Variants in NAALADL2 observed in about 807,000 individuals in gnomAD.
NAALADL2 encodes inactive N-acetylated-alpha-linked acidic dipeptidase-like protein 2.
A neutral mutation model predicts 87.2 loss-of-function variants in NAALADL2; 76 were observed. The ratio of observed to expected loss-of-function variants is 0.87; its 90% confidence interval spans 0.72 to 1.05. The LOEUF (loss-of-function observed/expected upper bound fraction) is 1.05, where lower values mean the gene tolerates loss of function less well. NAALADL2 is among the 50% of genes least tolerant of loss of function. The pLI is 0.00. For missense variants in NAALADL2, 1,089 were observed against 945.8 expected (o/e 1.15, Z -1.99); for synonymous variants, 354 against 331.0 (o/e 1.07, Z -0.75).
At chr3:175,672,656 T>C (rs1455880820) in intron 11 of NAALADL2, among the ~76,000 whole-genome samples, 2 of 151,774 alleles carry the variant, frequency 1.3e-5, no homozygotes, top group Non-Finnish European at 2.9e-5. Flanking sequence ...ACTAAAAGAG[T>C]AGGACTTATA....
intron 1 of NAALADL2, among the ~76,000 whole-genome samples, chr3:175,023,378 A>T (rs1307554682): frequency 6.6e-6 from 1 of 152,132 alleles, no homozygotes; most frequent in Non-Finnish European, 1.5e-5. Flanking sequence ...ATTCAATAAG[A>T]CAGATAATAG....
chr3:174,643,894 G>A (rs1723513251), intron 2 of NAALADL2, among the ~76,000 whole-genome samples: 1 of 152,144 alleles, frequency 6.6e-6, no homozygotes, highest in African/African-American at 2.4e-5. Flanking sequence ...ATGGAAGGAA[G>A]ACAGAGCAGC....
At chr3:174,751,749 A>G (rs1055184263) in intron 3 of NAALADL2, among the ~76,000 whole-genome samples, 1 of 151,768 alleles carries the variant, frequency 6.6e-6, no homozygotes, top group Non-Finnish European at 1.5e-5. Flanking sequence ...ATCATGATGC[A>G]TATCTAATAA....
chr3:175,267,480 A>G (rs1256525802), intron 4 of NAALADL2, among the ~76,000 whole-genome samples: 1 of 152,164 alleles, frequency 6.6e-6, no homozygotes, highest in Non-Finnish European at 1.5e-5. Flanking sequence ...TTCAGTTTTG[A>G]GTAATGCCTG....
intron 2 of NAALADL2, among the ~76,000 whole-genome samples, chr3:175,114,135 C>A (rs1724698197): frequency 6.6e-6 from 1 of 151,476 alleles, no homozygotes; most frequent in African/African-American, 2.4e-5. Context: ...GAGCTGAAAG[C>A]CTTAGTGAAG....
chr3:175,498,971 A>C (rs1414550213), intron 9 of NAALADL2, among the ~76,000 whole-genome samples: 1 of 152,102 alleles, frequency 6.6e-6, no homozygotes, highest in Non-Finnish European at 1.5e-5. Context: ...ATTTTCAGTT[A>C]TTATACTACT....
At chr3:175,213,667 T>C (rs1742090868) in intron 2 of NAALADL2, among the ~76,000 whole-genome samples, 1 of 152,198 alleles carries the variant, frequency 6.6e-6, no homozygotes, top group Non-Finnish European at 1.5e-5. Context: ...GAGTAGGCAC[T>C]GTGCTAAGTC....
At chr3:174,617,201 A>G (rs1278824043) in intron 2 of NAALADL2, among the ~76,000 whole-genome samples, 1 of 151,810 alleles carries the variant, frequency 6.6e-6, no homozygotes, top group African/African-American at 2.4e-5. Context: ...GATTGACAAA[A>G]TGCAGCTCAA....
intron 1 of NAALADL2, among the ~76,000 whole-genome samples, chr3:174,513,106 C>T (rs577165574): frequency 1.3e-5 from 2 of 152,048 alleles, no homozygotes; most frequent in South Asian, 2.1e-4. Context: ...GGATTACAAG[C>T]GTGTGCCACC....
At chr3:174,947,900 CTT>C (rs1298626648) in intron 1 of NAALADL2, among the ~76,000 whole-genome samples, 1 of 151,988 alleles carries the variant, frequency 6.6e-6, no homozygotes, top group Non-Finnish European at 1.5e-5. Context: ...TTTTGGTAAA[CTT>C]GCTGCCATTT....
At chr3:175,620,947 G>A (rs1208532206) in intron 10 of NAALADL2, among the ~76,000 whole-genome samples, 2 of 152,170 alleles carry the variant, frequency 1.3e-5, no homozygotes, top group Admixed American at 6.5e-5. Context: ...CCAAAAGCGG[G>A]TAAGTCTGTG....
chr3:174,444,666 C>T (rs908492542), intron 1 of NAALADL2, among the ~76,000 whole-genome samples: 1 of 152,126 alleles, frequency 6.6e-6, no homozygotes, highest in Non-Finnish European at 1.5e-5. Context: ...ACTACAGTAA[C>T]GTTCTAAGAA....
At chr3:174,548,376 G>A (rs1484785074) in intron 1 of NAALADL2, among the ~76,000 whole-genome samples, 7 of 151,914 alleles carry the variant, frequency 4.6e-5, no homozygotes, top group Non-Finnish European at 8.8e-5. Context: ...ATGTACATAT[G>A]CACAGAAAAA....
intron 1 of NAALADL2, among the ~76,000 whole-genome samples, chr3:174,995,738 A>G (rs746791421): frequency 6.6e-6 from 1 of 152,076 alleles, no homozygotes; most frequent in Non-Finnish European, 1.5e-5. Context: ...GAATTTCTTA[A>G]ATCTATGCCT....
intron 2 of NAALADL2, among the ~76,000 whole-genome samples, chr3:174,573,858 A>G (rs1578203571): frequency 6.6e-6 from 1 of 152,258 alleles, no homozygotes; most frequent in African/African-American, 2.4e-5. Context: ...AGATTTCAAC[A>G]TGAGACTTGG....
chr3:175,588,787 C>A (rs1016614667), intron 10 of NAALADL2, among the ~76,000 whole-genome samples: 4 of 152,088 alleles, frequency 2.6e-5, no homozygotes, highest in Non-Finnish European at 5.9e-5. Context: ...ATCCGCCCGC[C>A]TTGGCCTCCC....
At position 175,628,603 on chromosome 3, in the gene NAALADL2, ATCTC is replaced by A. The variant is rs143337925; in HGVS notation, c.1896+1225_1896+1228del. Among the ~76,000 whole-genome samples, 1,230 of 132,720 alleles carry A rather than the reference ATCTC, an allele frequency of 9.3e-3. 15 individuals are homozygous for A. Among genetic ancestry groups the A allele is most frequent in the African/African-American group, 0.021 (701 of 32,836 alleles). The allele number at this position is 132,720 out of a possible 152,430, so 87.1% of individuals were successfully genotyped here. A position where few individuals can be genotyped will look rare whatever the true frequency, so the allele number is the denominator to read the frequency against. ...TTGACATTTTAGTACCATTAAAATA[ATCTC>A]TCTCTCTATGTATATATATATATAT... On this transcript the variant is annotated intron_variant, in intron 11 of 13. Transcript: ENST00000454872.
intron 5 of NAALADL2, among the ~76,000 whole-genome samples, chr3:175,400,269 G>C (rs963332074): frequency 6.6e-6 from 1 of 152,054 alleles, no homozygotes; most frequent in Admixed American, 6.6e-5. Context: ...GATTTTTAAG[G>C]TATTACTGTC....
chr3:174,736,187 G>A (rs1471332192), intron 2 of NAALADL2, among the ~76,000 whole-genome samples: 1 of 152,124 alleles, frequency 6.6e-6, no homozygotes, highest in Non-Finnish European at 1.5e-5. Flanking sequence ...AGGTCTAGGA[G>A]GTCCACAGCT....
Sources: gnomAD v4.1 joint callset for allele counts (sites outside exome capture counted in the v4.1 genomes callset) on GRCh38, gnomAD v4.1.1 for gene constraint, MANE v1.5 for transcripts, NCBI Gene and HGNC (gene_info 2026-07-23, HGNC 2026-07-21) for gene names.